The following CRTC2 variants were observed in gnomAD, a reference collection of about 807,000 sequenced individuals.
CRTC2 encodes the protein CREB regulated transcription coactivator 2.
CRTC2 carries 25 observed loss-of-function variants against 70.9 expected under a neutral mutation model. The ratio of observed to expected loss-of-function variants is 0.35; its 90% confidence interval spans 0.26 to 0.49. CRTC2 has a LOEUF of 0.49. Among genes scored for constraint, CRTC2 ranks in the 20% least tolerant of loss-of-function variants. The pLI is 0.98. For synonymous variants in CRTC2, 330 were observed against 364.1 expected (o/e 0.91, Z 1.07); for missense variants, 737 against 882.6 (o/e 0.83, Z 2.09).
Position 153,951,290 on chromosome 1 carries a change from T to G in CRTC2, c.1374A>C (p.Thr458=), listed in dbSNP as rs1557866936. The change falls in exon 11 of 14, where the codon ACA becomes ACC. Residue 458 remains threonine (T), a synonymous_variant. Transcript: ENST00000368633. ...TGATGGAAGACAAGGTGGGTGACAT[T>G]GTTGGCGAAAACTGTTTGGGCAGCT... is the stretch of plus-strand genomic sequence containing the variant. ...QQQLPKQFSP[T]MSPTLSSITQ... is the part of the protein sequence containing the mutation. 2 of 1,613,904 alleles carry G rather than the reference T, an allele frequency of 1.2e-6. No individual in the cohort carries two copies. The highest frequency in any genetic ancestry group is 3.3e-5 in the Admixed American group (2 of 59,988).
chr1:153,948,378 C>T (rs1274399216), intron 13 of CRTC2, 49 bp from the exon 14 acceptor site: 1 of 1,613,206 alleles, frequency 6.2e-7, no homozygotes. Flanking sequence ...TAAACTTTTC[C>T]AAGACCCCTC....
rs1175364249 is a variant in CRTC2, at chr1:153,947,899, C to CA, written c.*209_*210insT. ...TTCAAAGTTACAAGTGCTTTAGGCC[C>CA]TCCCTTGAGTTCCCCCAGGCCCATC... On this transcript the variant is annotated 3_prime_UTR_variant, in exon 14 of 14. Transcript: ENST00000368633. The CA allele has an allele frequency of 1.3e-5, 8 of 601,152 alleles. No individual in the cohort carries two copies. Among genetic ancestry groups the CA allele is most frequent in the Non-Finnish European group, 2.4e-5 (8 of 339,894 alleles). The allele number at this position is 601,152 out of a possible 1,614,324, so 37.2% of individuals were successfully genotyped here.
intron 11 of CRTC2, among the ~76,000 whole-genome samples, chr1:153,950,570 CAGGA>C (rs1449613771): frequency 6.6e-6 from 1 of 152,028 alleles, no homozygotes; most frequent in Non-Finnish European, 1.5e-5. Context: ...AAGAAAAGGA[CAGGA>C]AGGGAGACAA....
chr1:153,955,516 G>C (rs1356342728), intron 1 of CRTC2, among the ~76,000 whole-genome samples: 4 of 144,208 alleles, frequency 2.8e-5, no homozygotes, highest in Non-Finnish European at 6.0e-5. Flanking sequence ...GCAGTAAGCC[G>C]AGACTGTGCC....
chr1:153,949,971 C>T (rs1680237454), intron 11 of CRTC2, among the ~76,000 whole-genome samples: 1 of 152,182 alleles, frequency 6.6e-6, no homozygotes, highest in Admixed American at 6.5e-5. Context: ...CACTCTGTTG[C>T]CCAGGCTGGA....
At position 153,948,438 on chromosome 1, in the gene CRTC2, C is replaced by T; in HGVS notation, c.1861+20G>A. ...GTCACTTCCTCCTTCCATTTCCCAT[C>T]ACCACCCACCCCCATTCACCTGTGA... On this transcript the variant is annotated intron_variant, in intron 13 of 13. Coordinates refer to ENST00000368633, the MANE Select transcript of CRTC2 (RefSeq NM_181715.3). 6.2e-7 allele frequency: 1 copy of T among 1,605,850 alleles called. No individual in the cohort carries two copies.
chr1:153,954,389 G>A (rs941187311), intron 3 of CRTC2, 73 bp from the exon 4 acceptor site: 2 of 1,004,650 alleles, frequency 2.0e-6, no homozygotes, highest in South Asian at 1.3e-5. Flanking sequence ...GAACAATGAA[G>A]GCAGCAGATA....
intron 1 of CRTC2, 120 bp downstream of exon 1, chr1:153,958,225 C>A: frequency 6.9e-7 from 1 of 1,441,388 alleles, no homozygotes. Context: ...CAAACGGCGG[C>A]GCCCGCGTCC....
intron 12 of CRTC2, 107 bp from the exon 13 acceptor site, chr1:153,948,751 A>G (rs1256602991): frequency 7.7e-7 from 1 of 1,292,232 alleles, no homozygotes. Context: ...CACCCCAGGA[A>G]CAGAGGCAAT....
Position 153,948,062 on chromosome 1 carries a change from T to G in CRTC2, c.*47A>C. ...TGCCAGGGGGAAGGGAGGAAAGGAATGGTGGTGGGGGATGGGGCCAAGAAG... is the reference window on the plus strand; with the variant it reads ...TGCCAGGGGGAAGGGAGGAAAGGAAGGGTGGTGGGGGATGGGGCCAAGAAG... On this transcript the variant is annotated 3_prime_UTR_variant, in exon 14 of 14. Transcript: ENST00000368633. 1 of 1,565,854 alleles carries G rather than the reference T, an allele frequency of 6.4e-7. No homozygotes were observed. The highest frequency in any genetic ancestry group is 8.8e-7 in the Non-Finnish European group (1 of 1,138,390).
Position 153,947,996 on chromosome 1 carries a change from G to T in CRTC2, c.*113C>A. 9.4e-7 allele frequency: 1 copy of T among 1,064,988 alleles called. No individual in the cohort carries two copies. Among genetic ancestry groups the T allele is most frequent in the Non-Finnish European group, 1.4e-6 (1 of 712,430 alleles). The allele number at this position is 1,064,988 out of a possible 1,614,324, so 66.0% of individuals were successfully genotyped here. A position where few individuals can be genotyped will look rare whatever the true frequency, so the allele number is the denominator to read the frequency against. The stretch of plus-strand genomic sequence containing the variant: ...CTCATTCTTGGCATCCTTCATTCAT[G>T]CTAGAAAGAGGATCTGGGGACAGAG... On this transcript the variant is annotated 3_prime_UTR_variant, in exon 14 of 14. Coordinates refer to ENST00000368633, the MANE Select transcript of CRTC2 (RefSeq NM_181715.3).
intron 3 of CRTC2, 81 bp from the exon 4 acceptor site, chr1:153,954,397 A>ATT: frequency 1.0e-6 from 1 of 969,278 alleles, no homozygotes. Flanking sequence ...AAGGCAGCAG[A>ATT]TAAGTTGTTT....
intron 4 of CRTC2, 111 bp downstream of exon 4, chr1:153,954,144 G>A: frequency 1.3e-6 from 1 of 785,860 alleles, no homozygotes; most frequent in South Asian, 1.5e-5. Flanking sequence ...ATAGGAAGAG[G>A]TACTGTTGAA....
intron 11 of CRTC2, 71 bp downstream of exon 11, chr1:153,951,189 G>A: frequency 6.7e-7 from 1 of 1,502,224 alleles, no homozygotes; most frequent in Non-Finnish European, 9.2e-7. Flanking sequence ...GGAAAGGAGG[G>A]TGGGAGGGAA....
chr1:153,951,461 AGAG>A lies in CRTC2; in HGVS notation c.1200_1202del (p.Ser405del), dbSNP rs777410003. 3.1e-6 allele frequency: 5 copies of A among 1,600,414 alleles called. No homozygotes were observed. The highest frequency in any genetic ancestry group is 2.7e-5 in the African/African-American group (2 of 74,672). ...CAGGAGATGAAGTGGAGGAGGAGGA[AGAG>A]GAGGAGGAGAGAGCCGGAGCACTGA... On this transcript the variant is annotated inframe_deletion, in exon 11 of 14. Transcript: ENST00000368633.
chr1:153,950,977 T>A (rs1315114035), intron 11 of CRTC2, among the ~76,000 whole-genome samples: 1 of 152,186 alleles, frequency 6.6e-6, no homozygotes, highest in African/African-American at 2.4e-5. Flanking sequence ...GTTTTAGAAA[T>A]GAAAATACTG....
At chr1:153,954,365 G>C in intron 3 of CRTC2, 49 bp from the exon 4 acceptor site, 21 of 1,296,576 alleles carry the variant, frequency 1.6e-5, no homozygotes, top group Non-Finnish European at 2.1e-5. Flanking sequence ...GATGAGAGAG[G>C]CCAAATGAGG....
chr1:153,955,284 T>A, intron 1 of CRTC2, 118 bp from the exon 2 acceptor site: 1 of 776,714 alleles, frequency 1.3e-6, no homozygotes, highest in Non-Finnish European at 2.2e-6. Context: ...TTAAAATATC[T>A]AGGCCAGGCA....
intron 11 of CRTC2, among the ~76,000 whole-genome samples, chr1:153,950,971 T>G (rs1308614166): frequency 1.3e-5 from 2 of 152,224 alleles, no homozygotes; most frequent in Non-Finnish European, 2.9e-5. Flanking sequence ...ATCCTTGTTT[T>G]AGAAATGAAA....
Sources: allele counts gnomAD v4.1 joint callset (sites outside exome capture counted in the v4.1 genomes callset), GRCh38; gene constraint gnomAD v4.1.1; transcripts MANE v1.5; gene names NCBI Gene and HGNC (gene_info 2026-07-23, HGNC 2026-07-21).